Variants in LPCAT2 observed in about 807,000 individuals in gnomAD.
LPCAT2 encodes the protein lysophosphatidylcholine acyltransferase 2, also known as 1-AGP acyltransferase 11.
In LPCAT2, 58 loss-of-function variants were observed where a neutral mutation model predicts 64.7. That is an observed-to-expected ratio of 0.90 (90% CI 0.73 to 1.12). LPCAT2 has a LOEUF of 1.12. LPCAT2 is among the 50% of genes most tolerant of loss of function. LPCAT2 has a pLI of 0.00. For missense variants in LPCAT2, 579 were observed against 669.8 expected, an observed-to-expected ratio of 0.86 and a Z score of 1.50; for synonymous variants, 252 against 245.3, an observed-to-expected ratio of 1.03 and a Z score of -0.26.
chr16:55,526,952 T>C (rs1389870219), intron 2 of LPCAT2, among the ~76,000 whole-genome samples: 1 of 152,124 alleles, frequency 6.6e-6, no homozygotes, highest in African/African-American at 2.4e-5. Flanking sequence ...TGGCTCAGAA[T>C]ATGGGATAAA....
In LPCAT2 at chr16:55,509,103, C is replaced by T. The variant is rs920641115; in HGVS notation, c.-79C>T. 6 of 1,204,698 alleles carry T rather than the reference C, an allele frequency of 5.0e-6. No homozygotes were observed. The African/African-American group carries it at 7.9e-5, about 16-fold the overall frequency. 74.6% of individuals were successfully genotyped at this position (1,204,698 alleles called of 1,614,324 possible). On this transcript the variant is annotated 5_prime_UTR_variant, in exon 1 of 14. Coordinates refer to ENST00000262134, the MANE Select transcript of LPCAT2 (RefSeq NM_017839.5). ...TCCCCAGCGTCGCCCTAGGCTGGGA[C>T]TCTAGTAGGTCTTCGGCTCAGTTTT...
intron 13 of LPCAT2, among the ~76,000 whole-genome samples, chr16:55,580,190 ACTCT>A (rs1281436457): frequency 6.6e-6 from 1 of 152,000 alleles, no homozygotes; most frequent in African/African-American, 2.4e-5. Flanking sequence ...TACTTCTCTT[ACTCT>A]CTGTTTTTAA....
intron 4 of LPCAT2, among the ~76,000 whole-genome samples, chr16:55,530,500 G>C (rs868570243): frequency 7.5e-6 from 1 of 134,142 alleles, no homozygotes; most frequent in African/African-American, 3.0e-5. Context: ...GGTGGGGGGG[G>C]GGTAACATTT....
intron 11 of LPCAT2, among the ~76,000 whole-genome samples, chr16:55,565,908 A>G (rs1275754325): frequency 2.0e-5 from 3 of 152,178 alleles, no homozygotes; most frequent in Non-Finnish European, 4.4e-5. Flanking sequence ...ATAATGAAAA[A>G]GGAATAAATG....
Position 55,548,606 on chromosome 16 carries a change from T to G in LPCAT2, c.936-671T>G, listed in dbSNP as rs535842541. On this transcript the variant is annotated intron_variant, in intron 9 of 13. Coordinates refer to ENST00000262134, the MANE Select transcript of LPCAT2 (RefSeq NM_017839.5). ...GGTGCAGTCTCAGCTCACTGCAACCTCTGCCTCCTGGGTTTAAGCAGTCCC... is the reference window on the plus strand; with the variant it reads ...GGTGCAGTCTCAGCTCACTGCAACCGCTGCCTCCTGGGTTTAAGCAGTCCC... Among the ~76,000 whole-genome samples the G allele has an allele frequency of 5.1e-4, 77 of 152,316 alleles. No individual in the cohort carries two copies. The South Asian group carries it at 6.8e-3, about 14-fold the overall frequency.
At position 55,583,117 on chromosome 16, in the gene LPCAT2, G is replaced by C. The variant is rs1418185037; in HGVS notation, c.*19G>C. The stretch of plus-strand genomic sequence containing the variant: ...TGACTGAAAGCAGTATTTCCAATAA[G>C]GAAAACACAGTAGCTTTTGCTTGAA... On this transcript the variant is annotated 3_prime_UTR_variant, in exon 14 of 14. Coordinates refer to ENST00000262134, the MANE Select transcript of LPCAT2 (RefSeq NM_017839.5). The C allele has an allele frequency of 6.3e-7, 1 of 1,587,242 alleles. No individual in the cohort carries two copies. The highest frequency in any genetic ancestry group is 1.7e-5 in the Admixed American group (1 of 58,668).
rs148981373 is a variant in LPCAT2 at position 55,553,108 on chromosome 16, C to G, written c.1215+2006C>G. Reference sequence around the variant, plus strand: ...ACAAAATTAGCTGGGCATGGTGGTACATGCCTGTAATCCCAGCTACCTGGG... The same window carrying G: ...ACAAAATTAGCTGGGCATGGTGGTAGATGCCTGTAATCCCAGCTACCTGGG... On this transcript the variant is annotated intron_variant, in intron 11 of 13. Coordinates refer to ENST00000262134, the MANE Select transcript of LPCAT2 (RefSeq NM_017839.5). Among the ~76,000 whole-genome samples, 4 of 152,202 alleles carry G rather than the reference C, an allele frequency of 2.6e-5. No individual in the cohort carries two copies. In the East Asian group the frequency reaches 5.8e-4, roughly 22 times the overall value.
At chr16:55,567,285 G>A (rs1439593539) in intron 11 of LPCAT2, 1 of 1,613,660 alleles carries the variant, frequency 6.2e-7, no homozygotes, top group Admixed American at 1.7e-5. Flanking sequence ...GCTGCGGGGA[G>A]CTCTGCAGGC....
In LPCAT2 at chr16:55,583,144, T is replaced by C; in HGVS notation, c.*46T>C. Reference sequence around the variant, plus strand: ...AAAACACAGTAGCTTTTGCTTGAAATTGTAAAGGCACTTATTGATAATACT... The same window carrying C: ...AAAACACAGTAGCTTTTGCTTGAAACTGTAAAGGCACTTATTGATAATACT... On this transcript the variant is annotated 3_prime_UTR_variant, in exon 14 of 14. Coordinates refer to ENST00000262134, the MANE Select transcript of LPCAT2 (RefSeq NM_017839.5). The C allele has an allele frequency of 7.0e-7, 1 of 1,426,210 alleles. No homozygotes were observed. The highest frequency in any genetic ancestry group is 9.6e-7 in the Non-Finnish European group (1 of 1,038,096). 88.3% of individuals were successfully genotyped at this position (1,426,210 alleles called of 1,614,324 possible). A position where few individuals can be genotyped will look rare whatever the true frequency, so the allele number is the denominator to read the frequency against.
intron 11 of LPCAT2, among the ~76,000 whole-genome samples, chr16:55,551,507 C>T (rs1321611618): frequency 1.3e-5 from 2 of 152,168 alleles, no homozygotes; most frequent in East Asian, 3.9e-4. Flanking sequence ...AAAACTCATA[C>T]ATTGATGACA....
In LPCAT2 at chr16:55,537,647, A is replaced by T. The variant is rs1337183081; in HGVS notation, c.852+15A>T. The T allele has an allele frequency of 6.2e-7, 1 of 1,612,500 alleles. No homozygotes were observed. Among genetic ancestry groups the T allele is most frequent in the African/African-American group, 1.3e-5 (1 of 74,980 alleles). On this transcript the variant is annotated intron_variant, in intron 8 of 13. Transcript: ENST00000262134. ...TAGAAGTTGAGGTAAGTCATTCAAAATGTGGCCTTGGAACTTGAGATTTGG... is the reference window on the plus strand; with the variant it reads ...TAGAAGTTGAGGTAAGTCATTCAAATTGTGGCCTTGGAACTTGAGATTTGG...
intron 1 of LPCAT2, among the ~76,000 whole-genome samples, chr16:55,514,643 G>A (rs1962981717): frequency 1.3e-5 from 2 of 152,160 alleles, no homozygotes; most frequent in South Asian, 4.1e-4. Flanking sequence ...TATTTAAGAT[G>A]TTTAGTTTTC....
chr16:55,538,233 T>C (rs1221069927), intron 8 of LPCAT2: 5 of 152,354 alleles, frequency 3.3e-5, no homozygotes, highest in African/African-American at 1.2e-4. Flanking sequence ...AGAGCTGTTC[T>C]TAGTTTCTAG....
intron 11 of LPCAT2, among the ~76,000 whole-genome samples, chr16:55,573,743 C>G (rs1237463067): frequency 6.6e-6 from 1 of 151,996 alleles, no homozygotes; most frequent in Non-Finnish European, 1.5e-5. Context: ...TCTAACACTT[C>G]CATCTCATTT....
At position 55,585,795 on chromosome 16, in the gene LPCAT2, T is replaced by C. The variant is rs1963938488; in HGVS notation, c.*2697T>C. The C allele has an allele frequency of 6.6e-6, 1 of 152,186 alleles. No individual in the cohort carries two copies. Among genetic ancestry groups the C allele is most frequent in the Admixed American group, 6.5e-5 (1 of 15,276 alleles). 9.4% of individuals were successfully genotyped at this position (152,186 alleles called of 1,614,324 possible). A position where few individuals can be genotyped will look rare whatever the true frequency, so the allele number is the denominator to read the frequency against. ...GAGACTGCCTCGCTTTTAGAAGACA[T>C]CTGGTCTGCTCTCTGCATGAGGCAC... On this transcript the variant is annotated 3_prime_UTR_variant, in exon 14 of 14. Transcript: ENST00000262134.
intron 11 of LPCAT2, among the ~76,000 whole-genome samples, chr16:55,573,199 A>G (rs1963789492): frequency 6.6e-6 from 1 of 152,222 alleles, no homozygotes; most frequent in African/African-American, 2.4e-5. Flanking sequence ...TGAGAAGCTA[A>G]TAAAAGCTAC....
chr16:55,540,871 A>C (rs1963387628), intron 8 of LPCAT2: 1 of 155,130 alleles, frequency 6.4e-6, no homozygotes, highest in Non-Finnish European at 1.4e-5. Flanking sequence ...GCACAATAAG[A>C]GATTAACAGT....
chr16:55,527,161 A>G (rs1185046333), intron 2 of LPCAT2, among the ~76,000 whole-genome samples: 1 of 152,138 alleles, frequency 6.6e-6, no homozygotes, highest in African/African-American at 2.4e-5. Context: ...AGTCACAGAA[A>G]CTTCTTTGGA....
intron 2 of LPCAT2, among the ~76,000 whole-genome samples, chr16:55,527,583 C>G (rs16955324): frequency 0.055 from 8,328 of 151,840 alleles, 270 homozygotes; most frequent in Middle Eastern, 0.11. Context: ...AGATATCCCT[C>G]CTGTGTTTGC....
Sources: gnomAD v4.1 joint callset for allele counts (sites outside exome capture counted in the v4.1 genomes callset) on GRCh38, gnomAD v4.1.1 for gene constraint, MANE v1.5 for transcripts, NCBI Gene and HGNC (gene_info 2026-07-23, HGNC 2026-07-21) for gene names.